MKLN1: variants seen among roughly 807,000 people sequenced by gnomAD.
MKLN1 encodes muskelin 1.
Under a neutral mutation model 99.0 loss-of-function variants are expected in MKLN1, and 18 were observed. The observed-to-expected ratio is 0.18, with a 90% confidence interval of 0.13 to 0.27. The LOEUF (loss-of-function observed/expected upper bound fraction) is 0.27. MKLN1 is among the 10% of genes least tolerant of loss of function. The pLI, the probability that MKLN1 is intolerant of heterozygous loss-of-function variation, is 1.00. For missense variants in MKLN1, 621 were observed against 875.9 expected (o/e 0.71, Z 3.67); for synonymous variants, 288 against 293.2 (o/e 0.98, Z 0.18).
intron 17 of MKLN1, among the ~76,000 whole-genome samples, chr7:131,483,631 T>C (rs1036147710): frequency 2.6e-5 from 4 of 152,208 alleles, no homozygotes; most frequent in Non-Finnish European, 5.9e-5. Flanking sequence ...CTTTTTGCAC[T>C]TAGGAATGCC....
At chr7:131,461,660 A>G (rs1242976746) in intron 12 of MKLN1, among the ~76,000 whole-genome samples, 1 of 152,168 alleles carries the variant, frequency 6.6e-6, no homozygotes, top group Non-Finnish European at 1.5e-5. Flanking sequence ...CCTGCAATAC[A>G]TAGTATTCTA....
At chr7:131,268,196 G>T (rs1478486423) in intron 3 of MKLN1, among the ~76,000 whole-genome samples, 1 of 152,086 alleles carries the variant, frequency 6.6e-6, no homozygotes, top group Non-Finnish European at 1.5e-5. Context: ...CAGCTCTGTG[G>T]GAATTTCTAA....
At chr7:131,411,030 A>G (rs1794858016) in intron 6 of MKLN1, among the ~76,000 whole-genome samples, 1 of 152,176 alleles carries the variant, frequency 6.6e-6, no homozygotes, top group African/African-American at 2.4e-5. Context: ...CTTTGTATCT[A>G]ATACATACAG....
chr7:131,399,074 T>A (rs1002775208), intron 5 of MKLN1, among the ~76,000 whole-genome samples, 167 bp from the exon 6 acceptor site: 5 of 152,248 alleles, frequency 3.3e-5, no homozygotes, highest in Non-Finnish European at 5.9e-5. Context: ...GTTTTGCTAG[T>A]TAAAAGAGCC....
At position 131,336,049 on chromosome 7, in the gene MKLN1, A is replaced by G. The variant is rs181073220; in HGVS notation, c.98+8052A>G. ...AGAGGTGTCTTGAGGTTAAGTGTCA[A>G]ATGTGTCTTACTGTGATTGTGGATT... On this transcript the variant is annotated intron_variant, in intron 1 of 17. Coordinates refer to ENST00000352689, the MANE Select transcript of MKLN1 (RefSeq NM_013255.5). 4.6e-5 allele frequency among the ~76,000 whole-genome samples: 7 copies of G among 151,776 alleles called. No homozygotes were observed. In the East Asian group the frequency reaches 1.4e-3, roughly 29 times the overall value.
At position 131,282,010 on chromosome 7, in the gene MKLN1, G is replaced by A. The variant is rs998005196; in HGVS notation, c.-179+79036G>A. 3.9e-5 allele frequency among the ~76,000 whole-genome samples: 6 copies of A among 152,052 alleles called. No homozygotes were observed. The East Asian group carries it at 9.7e-4, about 25-fold the overall frequency. On this transcript the variant is annotated intron_variant, in intron 3 of 7. Coordinates refer to the MKLN1 transcript ENST00000416992. ...TGTTTTATCTTATACTCTTATCATG[G>A]TGCTTTACTGCTTACTCTGTGGGAG...
chr7:131,433,716 AAT>A (rs147276065), intron 9 of MKLN1, among the ~76,000 whole-genome samples: 153 of 152,296 alleles, frequency 1.0e-3, no homozygotes, highest in African/African-American at 3.6e-3. Context: ...CTTCTTAACC[AAT>A]ATGACACTCC....
intron 2 of MKLN1, among the ~76,000 whole-genome samples, chr7:131,156,773 A>G (rs1172484181): frequency 6.6e-6 from 1 of 152,194 alleles, no homozygotes; most frequent in Non-Finnish European, 1.5e-5. Context: ...ACATAACCCC[A>G]TTGTAAGTTG....
chr7:131,136,893 G>A (rs7789283), intron 1 of MKLN1, among the ~76,000 whole-genome samples: 1 of 152,178 alleles, frequency 6.6e-6, no homozygotes, highest in African/African-American at 2.4e-5. Flanking sequence ...ACATTTGCGT[G>A]TAGTTCAATC....
At chr7:131,339,785 T>C (rs1799353027) in intron 1 of MKLN1, among the ~76,000 whole-genome samples, 1 of 152,186 alleles carries the variant, frequency 6.6e-6, no homozygotes, top group African/African-American at 2.4e-5. Flanking sequence ...TTTACCTTTT[T>C]GTTAGGACTT....
chr7:131,375,724 A>G (rs1188418215), intron 2 of MKLN1, among the ~76,000 whole-genome samples: 1 of 152,146 alleles, frequency 6.6e-6, no homozygotes, highest in Non-Finnish European at 1.5e-5. Flanking sequence ...TCTGTCTACC[A>G]GAACAGTTAC....
intron 1 of MKLN1, among the ~76,000 whole-genome samples, chr7:131,329,005 C>G (rs539439954): frequency 6.6e-6 from 1 of 152,276 alleles, no homozygotes; most frequent in East Asian, 1.9e-4. Flanking sequence ...AAGAAAAGTG[C>G]TAGTTGTCCC....
intron 8 of MKLN1, among the ~76,000 whole-genome samples, chr7:131,426,995 G>A (rs1795376544): frequency 6.6e-6 from 1 of 152,012 alleles, no homozygotes. Flanking sequence ...TCTCAGATGA[G>A]CCACCATGCC....
chr7:131,468,880 G>A (rs1315622742), intron 15 of MKLN1, among the ~76,000 whole-genome samples: 1 of 152,188 alleles, frequency 6.6e-6, no homozygotes, highest in African/African-American at 2.4e-5. Flanking sequence ...ATTTCAGGTT[G>A]TAAAGGATAA....
At chr7:131,259,354 G>T (rs948545075) in intron 3 of MKLN1, among the ~76,000 whole-genome samples, 1 of 152,078 alleles carries the variant, frequency 6.6e-6, no homozygotes, top group Non-Finnish European at 1.5e-5. Flanking sequence ...GAATAGAATA[G>T]TATAATGGAT....
At position 131,243,467 on chromosome 7, in the gene MKLN1, G is replaced by A. The variant is rs552142693; in HGVS notation, c.-179+40493G>A. ...TGATTTTTCTTACCACATTCAATCT[G>A]TTAATCTGTTTTATTTTCATCATAA... is the stretch of plus-strand genomic sequence containing the variant. On this transcript the variant is annotated intron_variant, in intron 3 of 7. Coordinates refer to the MKLN1 transcript ENST00000416992. Among the ~76,000 whole-genome samples, 18 of 152,250 alleles carry A rather than the reference G, an allele frequency of 1.2e-4. No individual in the cohort carries two copies. In the South Asian group the frequency reaches 3.7e-3, roughly 32 times the overall value.
upstream of MKLN1, chr7:131,324,505 C>T (rs1490297203): frequency 2.0e-5 from 3 of 152,166 alleles, no homozygotes; most frequent in Non-Finnish European, 4.4e-5. Flanking sequence ...AACCTGGGAA[C>T]ATAGATTCAG....
At chr7:131,283,338 CCCTTCCCCT>C (rs1180597539) in intron 3 of MKLN1, among the ~76,000 whole-genome samples, 3,043 of 57,826 alleles carry the variant, frequency 0.053, 141 homozygotes, top group African/African-American at 0.093. Flanking sequence ...TCCTTCCCTT[CCCTTCCCCT>C]CCTTCCTTCC....
At chr7:131,307,940 G>A (rs1798492765) in intron 3 of MKLN1, among the ~76,000 whole-genome samples, 1 of 152,150 alleles carries the variant, frequency 6.6e-6, no homozygotes, top group South Asian at 2.1e-4. Context: ...GATATGGTTT[G>A]GCCCTGTGCC....
Sources: allele counts gnomAD v4.1 joint callset (sites outside exome capture counted in the v4.1 genomes callset), GRCh38; gene constraint gnomAD v4.1.1; transcripts MANE v1.5; gene names NCBI Gene and HGNC (gene_info 2026-07-23, HGNC 2026-07-21).